MCTP1: variants seen among roughly 807,000 people sequenced by gnomAD.
MCTP1 encodes the protein multiple C2 and transmembrane domain-containing protein 1.
MCTP1 carries 69 observed loss-of-function variants against 120.6 expected under a neutral mutation model. That is an observed-to-expected ratio of 0.57 (90% CI 0.47 to 0.70). The LOEUF is 0.70. Ranked by LOEUF, MCTP1 falls within the 30% of genes least tolerant of loss-of-function variation. MCTP1 has a pLI of 0.00. For synonymous variants in MCTP1, 529 were observed against 493.1 expected, an observed-to-expected ratio of 1.07 and a Z score of -0.96; for missense variants, 1,203 against 1,248.8, an observed-to-expected ratio of 0.96 and a Z score of 0.55.
rs1406029595 is a variant in MCTP1 at position 95,124,743 on chromosome 5, C to A, written c.721-107259G>T. Among the ~76,000 whole-genome samples, 3 of 152,188 alleles carry A rather than the reference C, an allele frequency of 2.0e-5. No homozygotes were observed. In the East Asian group the frequency reaches 5.8e-4, roughly 29 times the overall value. On this transcript the variant is annotated intron_variant, in intron 1 of 22. Transcript: ENST00000515393. ...CCCTCAAATATATGATCCCACTATG[C>A]AGGGTTTTGTCATGGCTAAACCGCT...
intron 17 of MCTP1, among the ~76,000 whole-genome samples, chr5:94,831,013 A>G (rs1398065935): frequency 2.0e-5 from 3 of 152,160 alleles, no homozygotes; most frequent in Admixed American, 6.5e-5. Context: ...ATTAAAGATA[A>G]TTAGATCCAG....
intron 17 of MCTP1, among the ~76,000 whole-genome samples, chr5:94,800,610 T>A (rs1025341800): frequency 5.3e-5 from 8 of 152,342 alleles, no homozygotes; most frequent in South Asian, 4.1e-4. Flanking sequence ...TGTTCTCATA[T>A]CTTGACAGAG....
chr5:95,194,191 G>A (rs1344036024), intron 1 of MCTP1, among the ~76,000 whole-genome samples: 1 of 152,036 alleles, frequency 6.6e-6, no homozygotes, highest in Non-Finnish European at 1.5e-5. Flanking sequence ...AACAGAGTAA[G>A]AGTGAGACAC....
intron 15 of MCTP1, 139 bp downstream of exon 15, chr5:94,870,733 G>A: frequency 1.4e-6 from 1 of 704,868 alleles, no homozygotes; most frequent in Non-Finnish European, 2.4e-6. Flanking sequence ...GTGCCAGGCA[G>A]TGGCAGAAGC....
At chr5:94,857,263 C>G (rs1794901966) in intron 17 of MCTP1, among the ~76,000 whole-genome samples, 1 of 151,700 alleles carries the variant, frequency 6.6e-6, no homozygotes, top group Non-Finnish European at 1.5e-5. Flanking sequence ...GGGAAGTCCT[C>G]TTAATGGCAA....
At chr5:94,755,806 T>C (rs1265636433) in intron 19 of MCTP1, among the ~76,000 whole-genome samples, 1 of 152,196 alleles carries the variant, frequency 6.6e-6, no homozygotes, top group Non-Finnish European at 1.5e-5. Context: ...GTAATAACTT[T>C]GTATCTCTAA....
chr5:94,746,542 A>G (rs1766940920), intron 19 of MCTP1, among the ~76,000 whole-genome samples: 1 of 152,370 alleles, frequency 6.6e-6, no homozygotes, highest in South Asian at 2.1e-4. Flanking sequence ...TACAGTAGGT[A>G]AAGTAGGCTT....
At chr5:95,098,069 G>GTTTA (rs1756408831) in intron 1 of MCTP1, among the ~76,000 whole-genome samples, 1 of 151,996 alleles carries the variant, frequency 6.6e-6, no homozygotes, top group Admixed American at 6.6e-5. Context: ...ACGTGTTTTT[G>GTTTA]TTTACTTAAG....
At chr5:95,116,297 G>T (rs1757821167) in intron 1 of MCTP1, among the ~76,000 whole-genome samples, 1 of 102,452 alleles carries the variant, frequency 9.8e-6, no homozygotes, top group African/African-American at 3.0e-5. Flanking sequence ...CTAGTTATCT[G>T]AAGTAGAAAG....
At chr5:95,042,175 T>C (rs1399547637) in intron 1 of MCTP1, among the ~76,000 whole-genome samples, 1 of 152,198 alleles carries the variant, frequency 6.6e-6, no homozygotes, top group Non-Finnish European at 1.5e-5. Flanking sequence ...TAATAGCCAG[T>C]GGCCTGTTTT....
chr5:94,965,073 C>G (rs2153564616), intron 2 of MCTP1, among the ~76,000 whole-genome samples: 1 of 152,242 alleles, frequency 6.6e-6, no homozygotes, highest in South Asian at 2.1e-4. Context: ...TCATGTTTGG[C>G]TAAGAAGCAT....
intron 1 of MCTP1, among the ~76,000 whole-genome samples, chr5:95,108,073 G>A (rs1757216493): frequency 6.6e-6 from 1 of 152,172 alleles, no homozygotes; most frequent in South Asian, 2.1e-4. Flanking sequence ...AAGCAGTCAA[G>A]CCAATTTTAG....
At chr5:95,093,897 A>G (rs906513426) in intron 1 of MCTP1, among the ~76,000 whole-genome samples, 6 of 152,222 alleles carry the variant, frequency 3.9e-5, no homozygotes, top group Non-Finnish European at 7.3e-5. Flanking sequence ...TCCAGCTGCC[A>G]TACCACAAGG....
intron 10 of MCTP1, among the ~76,000 whole-genome samples, chr5:94,904,204 A>G (rs1001805953): frequency 6.6e-6 from 1 of 152,194 alleles, no homozygotes. Context: ...TGAGCACTCC[A>G]TGGCTCCAGG....
intron 3 of MCTP1, 38 bp from the exon 4 acceptor site, chr5:94,942,465 C>G (rs1238925877): frequency 7.0e-7 from 1 of 1,419,598 alleles, no homozygotes; most frequent in Admixed American, 1.7e-5. Context: ...TTATAAATAT[C>G]TCCAATATAA....
intron 1 of MCTP1, among the ~76,000 whole-genome samples, chr5:95,153,404 T>G (rs1300565510): frequency 6.6e-6 from 1 of 152,146 alleles, no homozygotes; most frequent in Admixed American, 6.5e-5. Context: ...AGTGTGAAAA[T>G]GGACTAATAC....
chr5:94,887,028 G>A (rs1801505975), intron 12 of MCTP1, among the ~76,000 whole-genome samples: 1 of 152,182 alleles, frequency 6.6e-6, no homozygotes, highest in South Asian at 2.1e-4. Flanking sequence ...CCAAGAGTGA[G>A]CAAGGTCAAA....
At chr5:95,180,030 A>G (rs1488086473) in intron 1 of MCTP1, among the ~76,000 whole-genome samples, 1 of 152,226 alleles carries the variant, frequency 6.6e-6, no homozygotes, top group Non-Finnish European at 1.5e-5. Context: ...TTAAAGCAAC[A>G]GCAGTTAAGA....
intron 12 of MCTP1, among the ~76,000 whole-genome samples, chr5:94,884,265 A>C (rs1049698345): frequency 6.6e-6 from 1 of 152,238 alleles, no homozygotes; most frequent in Non-Finnish European, 1.5e-5. Context: ...TCTGTGAGAA[A>C]GTAGAGGCCT....
Sources: allele counts gnomAD v4.1 joint callset (sites outside exome capture counted in the v4.1 genomes callset), GRCh38; gene constraint gnomAD v4.1.1; transcripts MANE v1.5; gene names NCBI Gene and HGNC (gene_info 2026-07-23, HGNC 2026-07-21).